The following ROBO2 variants were observed in gnomAD, a reference collection of about 807,000 sequenced individuals.
ROBO2 encodes roundabout homolog 2.
Under a neutral mutation model 160.8 loss-of-function variants are expected in ROBO2, and 53 were observed. The observed-to-expected ratio is 0.33, with a 90% CI of 0.26 to 0.41. ROBO2 has a LOEUF of 0.41. Ranked by LOEUF, ROBO2 falls within the 10% of genes least tolerant of loss-of-function variation. The pLI, the probability that ROBO2 is intolerant of heterozygous loss-of-function variation, is 1.00. For missense variants in ROBO2, 1,577 were observed against 1,722.4 expected, an observed-to-expected ratio of 0.92 and a Z score of 1.49; for synonymous variants, 664 against 611.7, an observed-to-expected ratio of 1.09 and a Z score of -1.26.
intron 2 of ROBO2, among the ~76,000 whole-genome samples, chr3:76,242,640 C>G (rs189091310): frequency 6.6e-6 from 1 of 152,146 alleles, no homozygotes; most frequent in East Asian, 1.9e-4. Context: ...AATCCCAGCA[C>G]TTTGGAAGGC....
intron 2 of ROBO2, among the ~76,000 whole-genome samples, chr3:77,253,472 A>G (rs1412735602): frequency 6.6e-6 from 1 of 152,210 alleles, no homozygotes; most frequent in African/African-American, 2.4e-5. Flanking sequence ...CAAAAATAAT[A>G]TTAAATTTTA....
At chr3:77,510,806 A>G (rs1430179122) in intron 5 of ROBO2, among the ~76,000 whole-genome samples, 1 of 152,044 alleles carries the variant, frequency 6.6e-6, no homozygotes, top group Non-Finnish European at 1.5e-5. Flanking sequence ...CATTCAAGTA[A>G]TATTTATTGA....
At chr3:76,846,504 C>T (rs1577013560) in intron 2 of ROBO2, among the ~76,000 whole-genome samples, 1 of 152,166 alleles carries the variant, frequency 6.6e-6, no homozygotes, top group East Asian at 1.9e-4. Context: ...TGTTTTCTTA[C>T]TTTAGTATCT....
At chr3:76,464,626 A>G (rs1020377613) in intron 2 of ROBO2, among the ~76,000 whole-genome samples, 1 of 152,122 alleles carries the variant, frequency 6.6e-6, no homozygotes, top group Non-Finnish European at 1.5e-5. Context: ...TAAAATAACA[A>G]TAATATAAAC....
chr3:77,561,902 G>A (rs1036306915), intron 9 of ROBO2, among the ~76,000 whole-genome samples: 15 of 152,076 alleles, frequency 9.9e-5, no homozygotes, highest in Non-Finnish European at 1.9e-4. Context: ...TCAAGAGTTC[G>A]AGACCAGCCT....
chr3:76,762,945 C>CTTGAAA (rs2061387352), intron 2 of ROBO2, among the ~76,000 whole-genome samples: 2 of 151,794 alleles, frequency 1.3e-5, no homozygotes, highest in South Asian at 4.2e-4. Context: ...ACGATGCCTG[C>CTTGAAA]TTGAAATCCT....
rs575750711 is a variant in ROBO2 at position 77,475,757 on chromosome 3, A to T, written c.389-1657A>T. Reference sequence around the variant, plus strand: ...TGCTCTCCCTGGAGGATTTACCTGCAAGAGGGAACCACGGTGTTAACCCCT... The same window carrying T: ...TGCTCTCCCTGGAGGATTTACCTGCTAGAGGGAACCACGGTGTTAACCCCT... On this transcript the variant is annotated intron_variant, in intron 2 of 25. Transcript: ENST00000461745. 5.8e-4 allele frequency among the ~76,000 whole-genome samples: 88 copies of T among 152,334 alleles called. 1 individual carries two copies. Among genetic ancestry groups the T allele is most frequent in the African/African-American group, 2.1e-3 (86 of 41,576 alleles).
chr3:77,607,705 T>G, intron 20 of ROBO2, 93 bp from the exon 22 acceptor site: 1 of 1,088,742 alleles, frequency 9.2e-7, no homozygotes, highest in Non-Finnish European at 1.4e-6. Context: ...ATACTGATTC[T>G]GGTGTTTTGA....
chr3:76,228,233 C>T (rs1441099118), intron 2 of ROBO2, among the ~76,000 whole-genome samples: 2 of 152,072 alleles, frequency 1.3e-5, no homozygotes, highest in Non-Finnish European at 2.9e-5. Flanking sequence ...AATTTATATA[C>T]AATTGCAGAG....
chr3:76,103,885 G>A (rs17577450), intron 2 of ROBO2, among the ~76,000 whole-genome samples: 8,438 of 152,212 alleles, frequency 0.055, 304 homozygotes, highest in Non-Finnish European at 0.076. Context: ...TGCTTATGCC[G>A]AAGTTGATTT....
intron 2 of ROBO2, among the ~76,000 whole-genome samples, chr3:77,394,760 C>CTT (rs138433094): frequency 6.6e-6 from 1 of 151,804 alleles, no homozygotes; most frequent in African/African-American, 2.4e-5. Context: ...GTCATCATAG[C>CTT]TTTTTTAGCC....
intron 2 of ROBO2, among the ~76,000 whole-genome samples, chr3:77,300,514 G>T (rs891483628): frequency 1.3e-5 from 2 of 151,460 alleles, no homozygotes; most frequent in South Asian, 2.1e-4. Context: ...ATCAGTCTTT[G>T]GAATTTTTAG....
chr3:77,614,214 C>T (rs374950309), intron 21 of ROBO2, among the ~76,000 whole-genome samples: 22 of 152,010 alleles, frequency 1.4e-4, no homozygotes, highest in East Asian at 7.7e-4. Context: ...TTAGAGGATG[C>T]GAAAAACTGA....
At chr3:76,972,403 C>A (rs2059615035) in intron 2 of ROBO2, among the ~76,000 whole-genome samples, 1 of 150,686 alleles carries the variant, frequency 6.6e-6, no homozygotes, top group African/African-American at 2.4e-5. Flanking sequence ...TTTGTTAGTT[C>A]TTTCTGACTC....
intron 2 of ROBO2, among the ~76,000 whole-genome samples, chr3:77,427,188 G>T (rs2078293865): frequency 6.6e-6 from 1 of 152,200 alleles, no homozygotes; most frequent in Non-Finnish European, 1.5e-5. Flanking sequence ...TTCAGGATTA[G>T]AGTAGCCTCT....
At chr3:76,657,242 G>C (rs1321514211) in intron 2 of ROBO2, among the ~76,000 whole-genome samples, 2 of 150,622 alleles carry the variant, frequency 1.3e-5, no homozygotes, top group Non-Finnish European at 3.0e-5. Flanking sequence ...TGGCTAACAC[G>C]GTGAAACCCC....
chr3:77,061,763 A>G (rs2066335201), intron 1 of ROBO2, among the ~76,000 whole-genome samples: 1 of 152,146 alleles, frequency 6.6e-6, no homozygotes, highest in Admixed American at 6.5e-5. Flanking sequence ...TCCTGTCAAC[A>G]TGTCTTTAAC....
intron 22 of ROBO2, among the ~76,000 whole-genome samples, chr3:77,619,892 A>G (rs2153704520): frequency 6.6e-6 from 1 of 152,306 alleles, no homozygotes; most frequent in South Asian, 2.1e-4. Context: ...TGAGAATGAA[A>G]TGAGTATGAA....
At chr3:76,511,135 G>A (rs1297650708) in intron 2 of ROBO2, among the ~76,000 whole-genome samples, 2 of 152,164 alleles carry the variant, frequency 1.3e-5, no homozygotes, top group Non-Finnish European at 2.9e-5. Flanking sequence ...GACACTGAAT[G>A]CAGCTGACGA....
Sources: allele counts gnomAD v4.1 joint callset (sites outside exome capture counted in the v4.1 genomes callset), GRCh38; gene constraint gnomAD v4.1.1; transcripts MANE v1.5; gene names NCBI Gene and HGNC (gene_info 2026-07-23, HGNC 2026-07-21).